LRPPRC: variants seen among roughly 807,000 people sequenced by gnomAD.
The protein encoded by LRPPRC is leucine-rich PPR motif-containing protein, mitochondrial.
Under a neutral mutation model 180.3 loss-of-function variants are expected in LRPPRC, and 120 were observed. The ratio of observed to expected loss-of-function variants is 0.67; its 90% CI spans 0.57 to 0.77. LRPPRC has a LOEUF of 0.77. Ranked by LOEUF, LRPPRC falls within the 30% of genes least tolerant of loss-of-function variation. The probability of loss-of-function intolerance (pLI) is 0.00; values close to 1 mark genes in which losing one functional copy is unlikely to be tolerated. For synonymous variants in LRPPRC, 723 were observed against 600.0 expected (o/e 1.21, Z -3.00); for missense variants, 2,012 against 1,657.2 (o/e 1.21, Z -3.72).
At chr2:43,954,305 A>T (rs1430153463) in intron 14 of LRPPRC, among the ~76,000 whole-genome samples, 2 of 152,282 alleles carry the variant, frequency 1.3e-5, no homozygotes, top group Non-Finnish European at 2.9e-5. Flanking sequence ...GAATTTAAAT[A>T]GGTTATTTCA....
rs1453155445 is a variant in LRPPRC at position 43,896,012 on chromosome 2, GAATT to G, written c.3900+618_3900+621del. Among the ~76,000 whole-genome samples the G allele has an allele frequency of 4.0e-5, 6 of 151,690 alleles. No individual in the cohort carries two copies. The East Asian group carries it at 5.8e-4, about 15-fold the overall frequency. On this transcript the variant is annotated intron_variant, in intron 35 of 37. Coordinates refer to ENST00000260665, the MANE Select transcript of LRPPRC (RefSeq NM_133259.4). ...GTAAATAAAGTAACTGCACAAATTA[GAATT>G]AATTTGTGGCTCCATATCAATTTGA...
intron 27 of LRPPRC, among the ~76,000 whole-genome samples, chr2:43,920,689 A>G (rs1671669164): frequency 6.6e-6 from 1 of 152,106 alleles, no homozygotes; most frequent in South Asian, 2.1e-4. Context: ...TGATTTAAAA[A>G]AAAAAAAAAA....
At chr2:43,989,230 T>A (rs115933697) in intron 1 of LRPPRC, among the ~76,000 whole-genome samples, 3,514 of 152,322 alleles carry the variant, frequency 0.023, 49 homozygotes, top group Non-Finnish European at 0.038. Flanking sequence ...CCAAAAACTT[T>A]TGACAAATTT....
At chr2:43,966,412 A>G (rs1673561004) in intron 11 of LRPPRC, among the ~76,000 whole-genome samples, 1 of 123,034 alleles carries the variant, frequency 8.1e-6, no homozygotes. Context: ...TCTGGCCACA[A>G]TATTTTTTTT....
intron 36 of LRPPRC, among the ~76,000 whole-genome samples, chr2:43,894,048 C>A (rs932296087): frequency 7.2e-5 from 11 of 151,994 alleles, no homozygotes; most frequent in African/African-American, 2.4e-4. Context: ...GGTTAAAAGA[C>A]CAGAATTTGA....
intron 26 of LRPPRC, 138 bp downstream of exon 26, chr2:43,925,755 A>T: frequency 1.4e-6 from 1 of 727,722 alleles, no homozygotes; most frequent in Non-Finnish European, 2.5e-6. Context: ...GCCATTGCTT[A>T]TCTGGCAAAT....
chr2:43,966,862 C>A (rs1033212483), intron 11 of LRPPRC, among the ~76,000 whole-genome samples: 1 of 150,168 alleles, frequency 6.7e-6, no homozygotes, highest in Non-Finnish European at 1.5e-5. Flanking sequence ...ACCAGCCTGG[C>A]CAACATGGCA....
At chr2:43,912,189 G>A (rs1314503820) in intron 30 of LRPPRC, among the ~76,000 whole-genome samples, 2 of 152,122 alleles carry the variant, frequency 1.3e-5, no homozygotes, top group Non-Finnish European at 2.9e-5. Context: ...TATCTTAAAT[G>A]AATTGTGATG....
At chr2:43,928,096 C>A (rs993613485) in intron 25 of LRPPRC, among the ~76,000 whole-genome samples, 1 of 152,148 alleles carries the variant, frequency 6.6e-6, no homozygotes, top group African/African-American at 2.4e-5. Context: ...ATCTAATGAA[C>A]AGTGAGGATA....
At chr2:43,949,926 T>C (rs907034699) in intron 15 of LRPPRC, among the ~76,000 whole-genome samples, 2 of 152,244 alleles carry the variant, frequency 1.3e-5, no homozygotes, top group Non-Finnish European at 2.9e-5. Context: ...AACTGATTTA[T>C]AAATTGATAT....
At chr2:43,955,958 T>A (rs1673097515) in intron 14 of LRPPRC, among the ~76,000 whole-genome samples, 1 of 151,996 alleles carries the variant, frequency 6.6e-6, no homozygotes, top group Non-Finnish European at 1.5e-5. Context: ...ACTTTGGTGG[T>A]GGCATCATTA....
At chr2:43,932,885 C>T (rs1477206384) in intron 25 of LRPPRC, among the ~76,000 whole-genome samples, 3 of 152,198 alleles carry the variant, frequency 2.0e-5, no homozygotes, top group Non-Finnish European at 4.4e-5. Flanking sequence ...CCTTACTACA[C>T]AAAGACAGGC....
intron 29 of LRPPRC, among the ~76,000 whole-genome samples, chr2:43,914,620 T>C (rs1412678340): frequency 6.6e-6 from 1 of 151,698 alleles, no homozygotes; most frequent in Non-Finnish European, 1.5e-5. Flanking sequence ...CCCAGCTACT[T>C]GGGAGGCTGA....
chr2:43,956,478 C>CGTGTGTGTGTGTGT (rs56919652), intron 14 of LRPPRC, among the ~76,000 whole-genome samples: 3,881 of 142,510 alleles, frequency 0.027, 74 homozygotes, highest in East Asian at 0.04. Flanking sequence ...AAGAAAAAAA[C>CGTGTGTGTGTGTGT]GTGTGTGTGT....
chr2:43,944,110 G>A (rs556685129), intron 22 of LRPPRC, among the ~76,000 whole-genome samples: 146 of 152,106 alleles, frequency 9.6e-4, no homozygotes, highest in Non-Finnish European at 1.5e-3. Flanking sequence ...ACAAATTATA[G>A]ATAGGGACTA....
At chr2:43,943,605 G>T in intron 23 of LRPPRC, 82 bp downstream of exon 23, 1 of 1,132,370 alleles carries the variant, frequency 8.8e-7, no homozygotes, top group Non-Finnish European at 1.3e-6. Flanking sequence ...CATCATGAGG[G>T]TATTTATAAA....
At chr2:43,905,818 T>A (rs756316782) in intron 30 of LRPPRC, 38 bp from the exon 31 acceptor site, 3 of 1,193,488 alleles carry the variant, frequency 2.5e-6, no homozygotes, top group Non-Finnish European at 3.8e-6. Flanking sequence ...ATTACTGACA[T>A]GCTTCTGATA....
chr2:43,985,708 A>G (rs1674500347), intron 1 of LRPPRC, among the ~76,000 whole-genome samples: 1 of 152,228 alleles, frequency 6.6e-6, no homozygotes, highest in Non-Finnish European at 1.5e-5. Flanking sequence ...GTAGATATAC[A>G]TGATTTGTTT....
chr2:43,918,008 TC>T lies in LRPPRC; in HGVS notation c.3148+16del, dbSNP rs1671538458. On this transcript the variant is annotated intron_variant, in intron 29 of 37. Transcript: ENST00000260665. ...GACCACCCCCCCACACACACCCCCA[TC>T]CCCGTATGTGCTTGCCTTTTTTTTG... The T allele has an allele frequency of 3.2e-6, 2 of 619,012 alleles. No homozygotes were observed. Among genetic ancestry groups the T allele is most frequent in the Non-Finnish European group, 5.7e-6 (2 of 352,840 alleles). 38.3% of individuals were successfully genotyped at this position (619,012 alleles called of 1,614,324 possible).
Sources: allele counts gnomAD v4.1 joint callset (sites outside exome capture counted in the v4.1 genomes callset), GRCh38; gene constraint gnomAD v4.1.1; transcripts MANE v1.5; gene names NCBI Gene and HGNC (gene_info 2026-07-23, HGNC 2026-07-21).